Variants in NAV1 observed in about 807,000 individuals in gnomAD.
NAV1 encodes the protein neuron navigator 1.
Under a neutral mutation model 175.2 loss-of-function variants are expected in NAV1, and 18 were observed. That is an observed-to-expected ratio of 0.10 (90% CI 0.07 to 0.15). NAV1 has a LOEUF of 0.15. Ranked by LOEUF, NAV1 falls within the 10% of genes least tolerant of loss-of-function variation. NAV1 has a pLI of 1.00. For missense variants in NAV1, 1,731 were observed against 2,436.6 expected (o/e 0.71, Z 6.10); for synonymous variants, 897 against 978.7 (o/e 0.92, Z 1.56).
chr1:201,820,957 A>T (rs1272256607), exon 30 of NAV1: 1 of 152,058 alleles, frequency 6.6e-6, no homozygotes, highest in Non-Finnish European at 1.5e-5. Flanking sequence ...GACACCTGCC[A>T]TGCCACTATC....
At chr1:201,785,243 T>A in intron 7 of NAV1, 67 bp from the exon 12 acceptor site, 3 of 1,558,624 alleles carry the variant, frequency 1.9e-6, no homozygotes, top group Non-Finnish European at 1.7e-6. Context: ...TCCTAAACTC[T>A]AGTTCCTAAG....
intron 1 of NAV1, among the ~76,000 whole-genome samples, chr1:201,564,321 A>G (rs1666292099): frequency 6.6e-6 from 1 of 152,148 alleles, no homozygotes; most frequent in African/African-American, 2.4e-5. Flanking sequence ...CTTACCTATT[A>G]CAGGGGAATG....
intron 2 of NAV1, among the ~76,000 whole-genome samples, chr1:201,616,338 A>G (rs1197606046): frequency 6.6e-6 from 1 of 152,162 alleles, no homozygotes; most frequent in Non-Finnish European, 1.5e-5. Context: ...ACCCAGGGGC[A>G]TGAGGAGTTC....
At chr1:201,784,113 G>A (rs895276019) in intron 7 of NAV1, among the ~76,000 whole-genome samples, 20 of 152,156 alleles carry the variant, frequency 1.3e-4, no homozygotes, top group African/African-American at 4.8e-4. Context: ...CTCATAATTA[G>A]GTTAACCTAT....
chr1:201,818,776 C>T (rs145532384), intron 29 of NAV1, among the ~76,000 whole-genome samples: 81 of 152,280 alleles, frequency 5.3e-4, no homozygotes, highest in African/African-American at 1.7e-3. Flanking sequence ...ACTTAACATG[C>T]GCAAATCCTG....
chr1:201,769,583 G>A (rs1274362318), intron 3 of NAV1, among the ~76,000 whole-genome samples: 1 of 152,130 alleles, frequency 6.6e-6, no homozygotes, highest in Non-Finnish European at 1.5e-5. Context: ...TTGTTTCCAT[G>A]AAGTAGGGTA....
At chr1:201,732,567 G>A (rs563546771) in intron 3 of NAV1, among the ~76,000 whole-genome samples, 1 of 152,128 alleles carries the variant, frequency 6.6e-6, no homozygotes, top group Non-Finnish European at 1.5e-5. Context: ...ACATTCTAGA[G>A]CCCAACTGGT....
Position 201,810,619 on chromosome 1 carries a change from G to A in NAV1, c.4658G>A (p.Arg1553His). The change falls in exon 24 of 30, where the codon CGC (arginine) becomes CAC (histidine). Residue 1553 changes from arginine to histidine, a missense_variant. Arg to His is a conservative substitution (Grantham distance 29). Around this residue, in one of 13 missense-constraint regions of NAV1, gnomAD observed 115 missense variants for 269.4 expected, o/e 0.43. Transcript: ENST00000367296. The surrounding 1 kb of genome is among the most constrained non-coding windows in gnomAD (Gnocchi z 6.0). ...ATAAGCCTCCTGCTGAAGCACCGGCGCCTCGTCCTCTCGGGCCCCAGCGGC... is the reference window on the plus strand; with the variant it reads ...ATAAGCCTCCTGCTGAAGCACCGGCACCTCGTCCTCTCGGGCCCCAGCGGC... The A allele has an allele frequency of 6.2e-7, 1 of 1,614,044 alleles. No individual in the cohort carries two copies. The highest frequency in any genetic ancestry group is 8.5e-7 in the Non-Finnish European group (1 of 1,179,988).
At chr1:201,585,245 C>T (rs1666990655) in intron 1 of NAV1, among the ~76,000 whole-genome samples, 1 of 152,004 alleles carries the variant, frequency 6.6e-6, no homozygotes, top group South Asian at 2.1e-4. Flanking sequence ...TACTGAAAAC[C>T]CTTAAAGCAG....
chr1:201,819,924 A>G (rs749191583), exon 30 of NAV1: 2 of 1,614,138 alleles, frequency 1.2e-6, no homozygotes, highest in South Asian at 1.1e-5. Flanking sequence ...CCTTCAGGCA[A>G]CACTTTAAGG....
intron 1 of NAV1, among the ~76,000 whole-genome samples, chr1:201,561,903 A>G (rs558748957): frequency 1.3e-5 from 2 of 152,268 alleles, no homozygotes; most frequent in Non-Finnish European, 2.9e-5. Context: ...GCATGAGACT[A>G]TCAATGGTTG....
chr1:201,789,903 C>G, intron 11 of NAV1, 111 bp downstream of exon 15: 2 of 1,016,858 alleles, frequency 2.0e-6, no homozygotes, highest in Non-Finnish European at 3.1e-6. Flanking sequence ...GCACTGCTGG[C>G]TCTTCACTGT....
At chr1:201,604,419 C>T (rs1667612036) in intron 2 of NAV1, among the ~76,000 whole-genome samples, 1 of 152,284 alleles carries the variant, frequency 6.6e-6, no homozygotes, top group African/African-American at 2.4e-5. Context: ...CGGCTCACGC[C>T]TGTAATCCTA....
At chr1:201,648,665 C>T (rs944968900) in exon 1 of NAV1, 96 of 1,396,492 alleles carry the variant, frequency 6.9e-5, no homozygotes, top group Non-Finnish European at 8.6e-5. Context: ...TCCTCGCGGG[C>T]AGAATGCTGG....
At chr1:201,675,136 G>A (rs953389429) in intron 1 of NAV1, among the ~76,000 whole-genome samples, 1 of 151,992 alleles carries the variant, frequency 6.6e-6, no homozygotes, top group Non-Finnish European at 1.5e-5. Flanking sequence ...CCTCTGACCT[G>A]GGGATGACCT....
chr1:201,642,167 C>G (rs111549278), intron 2 of NAV1, among the ~76,000 whole-genome samples: 1 of 116,446 alleles, frequency 8.6e-6, no homozygotes, highest in Non-Finnish European at 1.7e-5. Flanking sequence ...TCTCTCCCCT[C>G]CCTTCCTTCC....
intron 2 of NAV1, among the ~76,000 whole-genome samples, chr1:201,614,682 C>T (rs1353799922): frequency 6.6e-6 from 1 of 152,166 alleles, no homozygotes; most frequent in African/African-American, 2.4e-5. Flanking sequence ...TGGAATGAGG[C>T]TGAAAGGCTG....
At chr1:201,597,407 C>T (rs922789108) in intron 2 of NAV1, among the ~76,000 whole-genome samples, 11 of 152,240 alleles carry the variant, frequency 7.2e-5, no homozygotes, top group Non-Finnish European at 1.0e-4. Context: ...TCCGGCCTCA[C>T]TCTGAAGACA....
At chr1:201,648,837 G>A (rs1160906806) in exon 1 of NAV1, 1 of 1,607,232 alleles carries the variant, frequency 6.2e-7, no homozygotes. Context: ...CGGCGGCATG[G>A]CCAAGGCCAG....
Sources: gnomAD v4.1 joint callset for allele counts (sites outside exome capture counted in the v4.1 genomes callset) on GRCh38, gnomAD v4.1.1 for gene constraint, gnomAD v4.1.1 regional missense constraint, Gnocchi (gnomAD v3.1) non-coding constraint, MANE v1.5 for transcripts, NCBI Gene and HGNC (gene_info 2026-07-23, HGNC 2026-07-21) for gene names.